Variants in HSPB2 observed in about 807,000 individuals in gnomAD.
HSPB2 encodes heat shock protein beta-2.
HSPB2 carries 14 observed loss-of-function variants against 14.1 expected under a neutral mutation model. That is an observed-to-expected ratio of 0.99 (90% CI 0.66 to 1.55). The LOEUF is 1.55. HSPB2 is among the 40% of genes most tolerant of loss of function. The probability of loss-of-function intolerance (pLI) is 0.00; values close to 1 mark genes in which losing one functional copy is unlikely to be tolerated. For synonymous variants in HSPB2, 110 were observed against 103.4 expected (o/e 1.06, Z -0.39); for missense variants, 242 against 241.7 (o/e 1.00, Z -0.01).
chr11:111,913,358 C>T, intron 1 of HSPB2, 83 bp from the exon 2 acceptor site: 1 of 1,074,706 alleles, frequency 9.3e-7, no homozygotes, highest in Non-Finnish European at 1.4e-6. Flanking sequence ...CTTCCCAATC[C>T]CTCCTCTCCA....
chr11:111,913,731 C>T lies in HSPB2; in HGVS notation c.385C>T (p.Pro129Ser). The T allele has an allele frequency of 6.2e-7, 1 of 1,614,104 alleles. No individual in the cohort carries two copies. Among genetic ancestry groups the T allele is most frequent in the African/African-American group, 1.3e-5 (1 of 75,042 alleles). Residue 129 changes from proline to serine, a missense_variant, in exon 2 of 2, where the codon CCC (proline) becomes TCC (serine). By Grantham distance (74) the Pro-to-Ser change is moderately conservative. Coordinates refer to ENST00000304298, the MANE Select transcript of HSPB2 (RefSeq NM_001541.4). ...RTYVLPADVD[P>S]WRVRAALSHD... Reference sequence around the variant, plus strand: ...CTATGTCCTGCCTGCTGATGTCGACCCCTGGCGAGTCCGAGCTGCTCTCTC... The same window carrying T: ...CTATGTCCTGCCTGCTGATGTCGACTCCTGGCGAGTCCGAGCTGCTCTCTC...
chr11:111,913,396 C>T, intron 1 of HSPB2, 45 bp from the exon 2 acceptor site: 3 of 1,471,954 alleles, frequency 2.0e-6, no homozygotes, highest in Non-Finnish European at 2.8e-6. Flanking sequence ...CTGTGCCAGC[C>T]TCATCCTCCC....
In HSPB2 at chr11:111,912,920, G is replaced by C; in HGVS notation, c.91G>C (p.Glu31Gln). 3.7e-6 allele frequency: 6 copies of C among 1,601,826 alleles called. No homozygotes were observed. The highest frequency in any genetic ancestry group is 5.1e-6 in the Non-Finnish European group (6 of 1,175,664). The change falls in exon 1 of 2, where the codon GAA (glutamate) becomes CAA (glutamine). Residue 31 changes from glutamate (E) to glutamine (Q), a missense_variant. By Grantham distance (29) the Glu-to-Gln change is conservative. Transcript: ENST00000304298. ...PSRLGEQRFG[E>Q]GLLPEEILTP... ...CCGCCTGGGTGAGCAGCGCTTCGGA[G>C]AAGGTATGGCACAGACACCACCCCC...
Position 111,913,742 on chromosome 11 carries a change from C to T in HSPB2, c.396C>T (p.Val132=), listed in dbSNP as rs782136947. 5 of 1,614,180 alleles carry T rather than the reference C, an allele frequency of 3.1e-6. No individual in the cohort carries two copies. In the Admixed American group the frequency reaches 8.3e-5, roughly 27 times the overall value. ...CTGCTGATGTCGACCCCTGGCGAGT[C>T]CGAGCTGCTCTCTCCCATGATGGCA... ...VLPADVDPWR[V]RAALSHDGIL... The change falls in exon 2 of 2, where the codon GTC becomes GTT. Residue 132 remains valine (V), a synonymous_variant. Transcript: ENST00000304298.
At position 111,912,908 on chromosome 11, in the gene HSPB2, C is replaced by G; in HGVS notation, c.79C>G (p.Gln27Glu). The G allele has an allele frequency of 2.5e-6, 4 of 1,606,644 alleles. No individual in the cohort carries two copies. Among genetic ancestry groups the G allele is most frequent in the Non-Finnish European group, 3.4e-6 (4 of 1,177,852 alleles). ...EFANPSRLGE[Q>E]RFGEGLLPEE... is the part of the protein sequence containing the mutation. ...TGCCAACCCGAGCCGCCTGGGTGAG[C>G]AGCGCTTCGGAGAAGGTATGGCACA... The change falls in exon 1 of 2, where the codon CAG (glutamine) becomes GAG (glutamate). Residue 27 changes from glutamine to glutamate, a missense_variant. Gln to Glu is a conservative substitution (Grantham distance 29). Coordinates refer to ENST00000304298, the MANE Select transcript of HSPB2 (RefSeq NM_001541.4).
intron 1 of HSPB2, 72 bp from the exon 2 acceptor site, chr11:111,913,369 G>C: frequency 8.3e-7 from 1 of 1,206,600 alleles, no homozygotes; most frequent in East Asian, 2.3e-5. Context: ...CTCCTCTCCA[G>C]ATTTCCCATT....
chr11:111,912,990 A>G (rs1555165808), intron 1 of HSPB2, 67 bp downstream of exon 1: 1 of 1,026,888 alleles, frequency 9.7e-7, no homozygotes, highest in Non-Finnish European at 1.3e-6. Flanking sequence ...TGACCTCCCA[A>G]CGTTGCTGGC....
rs782052133 is a variant in HSPB2 at position 111,913,750 on chromosome 11, C to G, written c.404C>G (p.Ala135Gly). Residue 135 changes from alanine (A) to glycine (G), a missense_variant, in exon 2 of 2, where the codon GCT becomes GGT. Ala to Gly is a moderately conservative substitution (Grantham distance 60, BLOSUM62 0). Coordinates refer to ENST00000304298, the MANE Select transcript of HSPB2 (RefSeq NM_001541.4). The stretch of plus-strand genomic sequence containing the variant: ...GTCGACCCCTGGCGAGTCCGAGCTG[C>G]TCTCTCCCATGATGGCATCTTAAAC... ...ADVDPWRVRA[A>G]LSHDGILNLE... 6.2e-7 allele frequency: 1 copy of G among 1,614,192 alleles called. No homozygotes were observed.
Position 111,913,664 on chromosome 11 carries a change from C to A in HSPB2, c.318C>A (p.Arg106=), listed in dbSNP as rs2137390439. 2 of 1,614,166 alleles carry A rather than the reference C, an allele frequency of 1.2e-6. No homozygotes were observed. Among genetic ancestry groups the A allele is most frequent in the Admixed American group, 3.3e-5 (2 of 60,030 alleles). The change falls in exon 2 of 2, where the codon CGC becomes CGA. Residue 106 remains arginine, a synonymous_variant. Transcript: ENST00000304298. ...LLEVSARHPQ[R]LDRHGFVSRE... ...AGGTGTCTGCCCGGCACCCCCAGCG[C>A]CTGGACCGCCACGGCTTCGTGTCCC...
At chr11:111,912,949 C>CCCCCCA (rs1555165794) in intron 1 of HSPB2, 26 bp downstream of exon 1, 1 of 969,390 alleles carries the variant, frequency 1.0e-6, no homozygotes, top group Non-Finnish European at 1.4e-6. Flanking sequence ...CACCCCCTTG[C>CCCCCCA]CCCCCACCCC....
At position 111,913,931 on chromosome 11, in the gene HSPB2, A is replaced by G. The variant is rs1555165939; in HGVS notation, c.*36A>G. 6.5e-7 allele frequency: 1 copy of G among 1,538,756 alleles called. No homozygotes were observed. The highest frequency in any genetic ancestry group is 1.4e-5 in the African/African-American group (1 of 73,308). ...CCCAGCACCCAGCAAATCCCTCTCT[A>G]CCTCCCAAGGTGATATGGGCAGCTG... On this transcript the variant is annotated 3_prime_UTR_variant, in exon 2 of 2. Coordinates refer to ENST00000304298, the MANE Select transcript of HSPB2 (RefSeq NM_001541.4).
chr11:111,913,104 C>T, intron 1 of HSPB2, 181 bp downstream of exon 1: 1 of 632,456 alleles, frequency 1.6e-6, no homozygotes, highest in Non-Finnish European at 2.9e-6. Context: ...TTCCTGCTGA[C>T]CTCAAGACAC....
At chr11:111,913,163 C>T in intron 1 of HSPB2, 1 of 603,794 alleles carries the variant, frequency 1.7e-6, no homozygotes, top group South Asian at 2.0e-5. Context: ...CCTGGGTGTG[C>T]CTCCTTGTCC....
Position 111,913,603 on chromosome 11 carries a change from A to G in HSPB2, c.257A>G (p.Asp86Gly), listed in dbSNP as rs1410435879. Residue 86 changes from aspartate (D) to glycine (G), a missense_variant, in exon 2 of 2, where the codon GAC (aspartate) becomes GGC (glycine). By Grantham distance (94) the Asp-to-Gly change is moderately conservative. Coordinates refer to ENST00000304298, the MANE Select transcript of HSPB2 (RefSeq NM_001541.4). ...AFLDVSHFTP[D>G]EVTVRTVDNL... ...CTGGATGTGAGCCACTTTACCCCAG[A>G]CGAGGTGACTGTGAGGACTGTGGAT... The G allele has an allele frequency of 6.2e-7, 1 of 1,614,098 alleles. No individual in the cohort carries two copies. Among genetic ancestry groups the G allele is most frequent in the Non-Finnish European group, 8.5e-7 (1 of 1,180,006 alleles).
rs758224029 is a variant in HSPB2 at position 111,913,823 on chromosome 11, G to A, written c.477G>A (p.Glu159=). The change falls in exon 2 of 2, where the codon GAG becomes GAA. Residue 159 remains glutamate, a synonymous_variant. Coordinates refer to ENST00000304298, the MANE Select transcript of HSPB2 (RefSeq NM_001541.4). ...GGRHLDTEVN[E]VYISLLPAPP... is the part of the protein sequence containing the mutation. ...GACATTTGGACACAGAGGTCAATGA[G>A]GTCTACATCTCCCTGCTCCCTGCGC... 3.1e-6 allele frequency: 5 copies of A among 1,614,142 alleles called. No homozygotes were observed. The highest frequency in any genetic ancestry group is 4.2e-6 in the Non-Finnish European group (5 of 1,180,028).
chr11:111,913,732 C>G lies in HSPB2; in HGVS notation c.386C>G (p.Pro129Arg), dbSNP rs1555165898. ...TATGTCCTGCCTGCTGATGTCGACCCCTGGCGAGTCCGAGCTGCTCTCTCC... is the reference window on the plus strand; with the variant it reads ...TATGTCCTGCCTGCTGATGTCGACCGCTGGCGAGTCCGAGCTGCTCTCTCC... ...RTYVLPADVD[P>R]WRVRAALSHD... The change falls in exon 2 of 2, where the codon CCC (proline) becomes CGC (arginine). Residue 129 changes from proline (P) to arginine (R), a missense_variant. Physicochemically the swap from Pro to Arg is moderately radical, Grantham distance 103. Transcript: ENST00000304298. 1.2e-6 allele frequency: 2 copies of G among 1,614,112 alleles called. No individual in the cohort carries two copies. The highest frequency in any genetic ancestry group is 8.5e-7 in the Non-Finnish European group (1 of 1,180,028).
rs1047590354 is a variant in HSPB2 at position 111,913,211 on chromosome 11, C to T, written c.95-230C>T. 6 of 586,282 alleles carry T rather than the reference C, an allele frequency of 1.0e-5. No homozygotes were observed. The East Asian group carries it at 1.7e-4, about 17-fold the overall frequency. 36.3% of individuals were successfully genotyped at this position (586,282 alleles called of 1,614,324 possible). On this transcript the variant is annotated intron_variant, in intron 1 of 1. Transcript: ENST00000304298. Reference sequence around the variant, plus strand: ...CCCAGGCCGTTTGGTGCCTCCTCCTCCTCCCCCTCCTCCTCCTTCTCCTCC... The same window carrying T: ...CCCAGGCCGTTTGGTGCCTCCTCCTTCTCCCCCTCCTCCTCCTTCTCCTCC...
In HSPB2 at chr11:111,914,080, C is replaced by G; in HGVS notation, c.*185C>G. The stretch of plus-strand genomic sequence containing the variant: ...TAGTTTTGGGTGGAGCTGAATAAAC[C>G]CAAATCTCAGGGCCTTGTTTGTACT... On this transcript the variant is annotated 3_prime_UTR_variant, in exon 2 of 2. Transcript: ENST00000304298. The G allele has an allele frequency of 1.8e-5, 11 of 616,244 alleles. No individual in the cohort carries two copies. The South Asian group carries it at 2.1e-4, about 12-fold the overall frequency. The allele number at this position is 616,244 out of a possible 1,614,324, so 38.2% of individuals were successfully genotyped here.
At chr11:111,913,411 C>T in intron 1 of HSPB2, 30 bp from the exon 2 acceptor site, 1 of 1,548,794 alleles carries the variant, frequency 6.5e-7, no homozygotes, top group Non-Finnish European at 8.8e-7. Context: ...CCTCCCTCAT[C>T]CTGCCTCTTG....
Sources: allele counts gnomAD v4.1 joint callset, GRCh38; gene constraint gnomAD v4.1.1; transcripts MANE v1.5; gene names NCBI Gene and HGNC (gene_info 2026-07-23, HGNC 2026-07-21).